CSMD1: variants seen among roughly 807,000 people sequenced by gnomAD.
CSMD1 encodes the protein CUB and sushi domain-containing protein 1.
In CSMD1, 213 loss-of-function variants were observed where a neutral mutation model predicts 417.5. The ratio of observed to expected loss-of-function variants is 0.51; its 90% CI spans 0.46 to 0.57. CSMD1 has a LOEUF of 0.57. Ranked by LOEUF, CSMD1 falls within the 20% of genes least tolerant of loss-of-function variation. The pLI is 0.00. For missense variants in CSMD1, 6,923 were observed against 4,529.7 expected (o/e 1.53, Z -15.17); for synonymous variants, 2,862 against 1,736.8 (o/e 1.65, Z -16.11).
intron 1 of CSMD1, among the ~76,000 whole-genome samples, chr8:4,836,791 C>A (rs555424796): frequency 6.6e-6 from 1 of 151,924 alleles, no homozygotes; most frequent in African/African-American, 2.4e-5. Context: ...TGTGGACACA[C>A]TGATGTAATC....
chr8:4,203,691 C>A (rs1799802282), intron 3 of CSMD1, among the ~76,000 whole-genome samples: 1 of 152,020 alleles, frequency 6.6e-6, no homozygotes, highest in South Asian at 2.1e-4. Flanking sequence ...GTAGGGATCA[C>A]ACACACACAA....
At chr8:3,970,150 T>C (rs1812983146) in intron 5 of CSMD1, among the ~76,000 whole-genome samples, 1 of 152,182 alleles carries the variant, frequency 6.6e-6, no homozygotes, top group Non-Finnish European at 1.5e-5. Flanking sequence ...ATAATCATTT[T>C]ATGTGACATT....
rs7816044 is a variant in CSMD1, at chr8:4,772,162, A to G, written c.86-134604T>C. 2.4e-3 allele frequency among the ~76,000 whole-genome samples: 371 copies of G among 151,986 alleles called. 10 individuals carry two copies. In the South Asian group the frequency reaches 0.068, roughly 28 times the overall value. On this transcript the variant is annotated intron_variant, in intron 1 of 69. Transcript: ENST00000635120. ...AAGTCAGTTCCTTGTGGTGGTAGGG[A>G]TGAAGTCCTGTTTTCTTGCTGGCTG...
intron 3 of CSMD1, among the ~76,000 whole-genome samples, chr8:4,178,770 A>C (rs1000550515): frequency 1.2e-4 from 19 of 152,308 alleles, no homozygotes; most frequent in African/African-American, 4.6e-4. Flanking sequence ...AATTACAAGC[A>C]TTGTTATACA....
At chr8:3,626,175 C>G (rs778263694) in intron 7 of CSMD1, among the ~76,000 whole-genome samples, 1 of 152,142 alleles carries the variant, frequency 6.6e-6, no homozygotes, top group Non-Finnish European at 1.5e-5. Context: ...TCTATGCCTC[C>G]GGCTGGCTCC....
At chr8:3,800,855 C>G (rs1944092811) in intron 5 of CSMD1, among the ~76,000 whole-genome samples, 1 of 152,100 alleles carries the variant, frequency 6.6e-6, no homozygotes, top group Non-Finnish European at 1.5e-5. Context: ...CACAAAAGCC[C>G]TCACCAGAGA....
chr8:4,581,031 A>G (rs1294476719), intron 2 of CSMD1, among the ~76,000 whole-genome samples: 1 of 152,186 alleles, frequency 6.6e-6, no homozygotes, highest in Non-Finnish European at 1.5e-5. Flanking sequence ...GGCTAGGTAA[A>G]TCAATCCATG....
chr8:3,848,897 G>A (rs1446414057), intron 5 of CSMD1, among the ~76,000 whole-genome samples: 1 of 150,868 alleles, frequency 6.6e-6, no homozygotes, highest in Non-Finnish European at 1.5e-5. Context: ...ATATAAAGAA[G>A]ATACATATCT....
At chr8:4,899,157 C>G (rs76104742) in intron 1 of CSMD1, among the ~76,000 whole-genome samples, 2 of 152,096 alleles carry the variant, frequency 1.3e-5, no homozygotes, top group Non-Finnish European at 2.9e-5. Flanking sequence ...GAGCTAAAAC[C>G]TTTCTCTCAA....
chr8:3,277,565 T>C (rs919000567), intron 26 of CSMD1, among the ~76,000 whole-genome samples: 2 of 152,148 alleles, frequency 1.3e-5, no homozygotes, highest in Non-Finnish European at 2.9e-5. Flanking sequence ...AAAAGTTTCA[T>C]CCTGACAGCC....
At chr8:4,919,688 C>A (rs999023324) in intron 1 of CSMD1, among the ~76,000 whole-genome samples, 1 of 152,294 alleles carries the variant, frequency 6.6e-6, no homozygotes, top group South Asian at 2.1e-4. Flanking sequence ...AGGTGTGAAT[C>A]TGTCCCCTCT....
chr8:3,285,694 C>G (rs1398773734), intron 25 of CSMD1, among the ~76,000 whole-genome samples: 1 of 151,964 alleles, frequency 6.6e-6, no homozygotes, highest in Admixed American at 6.6e-5. Context: ...CCACCACGCC[C>G]AGACCAGAAC....
At chr8:4,922,988 C>T (rs1563775329) in intron 1 of CSMD1, among the ~76,000 whole-genome samples, 1 of 152,120 alleles carries the variant, frequency 6.6e-6, no homozygotes, top group African/African-American at 2.4e-5. Context: ...TTAATGTGAA[C>T]AGTAACAGTC....
At chr8:4,377,906 A>G (rs1802857991) in intron 3 of CSMD1, among the ~76,000 whole-genome samples, 1 of 152,214 alleles carries the variant, frequency 6.6e-6, no homozygotes. Context: ...TACTTTGTAT[A>G]GTACTTAAAT....
intron 2 of CSMD1, among the ~76,000 whole-genome samples, chr8:4,445,624 C>G (rs908211767): frequency 6.6e-6 from 1 of 152,118 alleles, no homozygotes; most frequent in Admixed American, 6.5e-5. Context: ...CGAACTGGGC[C>G]AGGCATGTGT....
intron 5 of CSMD1, among the ~76,000 whole-genome samples, chr8:3,914,687 C>T (rs1295615137): frequency 1.3e-5 from 2 of 152,182 alleles, no homozygotes; most frequent in African/African-American, 4.8e-5. Context: ...GCTTGGTTGT[C>T]AAGTTGAAAG....
At position 4,805,051 on chromosome 8, in the gene CSMD1, C is replaced by T. The variant is rs569138429; in HGVS notation, c.86-167493G>A. On this transcript the variant is annotated intron_variant, in intron 1 of 69. Transcript: ENST00000635120. ...ACAGAAAACAAACTTTGTAATGGAG[C>T]AGCTCCAATTTGGAGTTTCAAGTAC... Among the ~76,000 whole-genome samples the T allele has an allele frequency of 7.2e-5, 11 of 152,186 alleles. No homozygotes were observed. The South Asian group carries it at 2.3e-3, about 32-fold the overall frequency.
intron 3 of CSMD1, among the ~76,000 whole-genome samples, chr8:4,099,129 G>C (rs1405927054): frequency 6.6e-6 from 1 of 151,184 alleles, no homozygotes; most frequent in African/African-American, 2.4e-5. Flanking sequence ...GCTACCAGTG[G>C]ATTCCTTCTT....
chr8:4,418,908 T>A (rs1214859228), intron 3 of CSMD1, among the ~76,000 whole-genome samples: 3 of 152,162 alleles, frequency 2.0e-5, no homozygotes, highest in Admixed American at 1.3e-4. Context: ...TTCTCAGCAT[T>A]ATTCCACACG....
Sources: allele counts gnomAD v4.1 joint callset (sites outside exome capture counted in the v4.1 genomes callset), GRCh38; gene constraint gnomAD v4.1.1; transcripts MANE v1.5; gene names NCBI Gene and HGNC (gene_info 2026-07-23, HGNC 2026-07-21).